The following PRMT3 variants were observed in gnomAD, a reference collection of about 807,000 sequenced individuals.
PRMT3 encodes protein arginine methyltransferase 3.
In PRMT3, 62 loss-of-function variants were observed where a neutral mutation model predicts 71.9. The ratio of observed to expected loss-of-function variants is 0.86; its 90% CI spans 0.70 to 1.07. The LOEUF is 1.07. Ranked by LOEUF, PRMT3 falls within the 50% of genes least tolerant of loss-of-function variation. The probability of loss-of-function intolerance (pLI) is 0.00; values close to 1 mark genes in which losing one functional copy is unlikely to be tolerated. For synonymous variants in PRMT3, 213 were observed against 220.4 expected (o/e 0.97, Z 0.30); for missense variants, 663 against 643.0 (o/e 1.03, Z -0.34).
chr11:20,492,696 G>C (rs1283479688), intron 13 of PRMT3, among the ~76,000 whole-genome samples: 1 of 152,116 alleles, frequency 6.6e-6, no homozygotes, highest in Non-Finnish European at 1.5e-5. Flanking sequence ...AAAGAAAATG[G>C]AATGGTATTT....
At chr11:20,504,768 C>T (rs1431593007) in intron 15 of PRMT3, among the ~76,000 whole-genome samples, 3 of 145,934 alleles carry the variant, frequency 2.1e-5, no homozygotes, top group African/African-American at 8.2e-5. Flanking sequence ...GAGACTCGGT[C>T]TGTCGCCCAG....
chr11:20,461,450 C>T (rs1029342080), intron 11 of PRMT3, among the ~76,000 whole-genome samples: 4 of 152,124 alleles, frequency 2.6e-5, no homozygotes, highest in African/African-American at 7.2e-5. Context: ...GATATGTGTC[C>T]ATAGTCTGTA....
intron 9 of PRMT3, among the ~76,000 whole-genome samples, chr11:20,414,664 G>A (rs1286530437): frequency 2.0e-5 from 3 of 152,084 alleles, no homozygotes; most frequent in African/African-American, 7.2e-5. Flanking sequence ...TCATTATTCA[G>A]ACTTTCAGAT....
chr11:20,454,876 AG>A (rs1340046629), intron 11 of PRMT3, among the ~76,000 whole-genome samples: 1 of 152,088 alleles, frequency 6.6e-6, no homozygotes, highest in Non-Finnish European at 1.5e-5. Context: ...TGAGCAGTAA[AG>A]GCTTTATAAA....
At chr11:20,406,011 C>G (rs1185547593) in intron 8 of PRMT3, 2 of 152,186 alleles carry the variant, frequency 1.3e-5, no homozygotes, top group Non-Finnish European at 2.9e-5. Context: ...TACTTTCTGT[C>G]TCTATGATTT....
intron 13 of PRMT3, among the ~76,000 whole-genome samples, chr11:20,487,069 A>AG (rs1446008558): frequency 1.3e-5 from 2 of 151,874 alleles, no homozygotes; most frequent in African/African-American, 4.8e-5. Context: ...GAAAAAAAAA[A>AG]AAGAAGAAGA....
chr11:20,452,058 G>A (rs144419029), intron 10 of PRMT3, 72 bp from the exon 11 acceptor site: 63 of 1,037,572 alleles, frequency 6.1e-5, no homozygotes, highest in Admixed American at 1.3e-4. Flanking sequence ...GAGTAGCACC[G>A]ATGTTTAAAT....
intron 15 of PRMT3, among the ~76,000 whole-genome samples, chr11:20,503,338 G>C (rs1160827893): frequency 6.6e-6 from 1 of 151,984 alleles, no homozygotes; most frequent in Non-Finnish European, 1.5e-5. Flanking sequence ...TCATTTGTCT[G>C]TGTTTATTCC....
intron 7 of PRMT3, among the ~76,000 whole-genome samples, chr11:20,399,270 A>G (rs546849697): frequency 6.6e-6 from 1 of 152,162 alleles, no homozygotes; most frequent in African/African-American, 2.4e-5. Context: ...GATAACATGT[A>G]TATATTTTGT....
intron 11 of PRMT3, among the ~76,000 whole-genome samples, chr11:20,453,598 C>T (rs762313475): frequency 1.4e-4 from 21 of 151,950 alleles, no homozygotes; most frequent in Non-Finnish European, 2.5e-4. Context: ...CAAAATGTGC[C>T]CATTTTATCA....
intron 4 of PRMT3, 87 bp downstream of exon 4, chr11:20,392,347 A>G (rs1848732850): frequency 7.4e-7 from 1 of 1,348,682 alleles, no homozygotes; most frequent in African/African-American, 1.5e-5. Flanking sequence ...TTAAAAGAAT[A>G]TGAGGAACTG....
At position 20,412,836 on chromosome 11, in the gene PRMT3, A is replaced by G. The variant is rs573948383; in HGVS notation, c.893+4804A>G. On this transcript the variant is annotated intron_variant, in intron 9 of 15. Transcript: ENST00000331079. Reference sequence around the variant, plus strand: ...ATTATAAGAGATTAAGAGGCTGGGCATGGTGGCATGTGCCTGAGGCAGGAG... The same window carrying G: ...ATTATAAGAGATTAAGAGGCTGGGCGTGGTGGCATGTGCCTGAGGCAGGAG... 3.9e-5 allele frequency among the ~76,000 whole-genome samples: 6 copies of G among 152,304 alleles called. No homozygotes were observed. The South Asian group carries it at 1.0e-3, about 26-fold the overall frequency.
intron 5 of PRMT3, chr11:20,393,822 TTGAAGAA>T (rs1445790792): frequency 6.6e-6 from 1 of 152,236 alleles, no homozygotes; most frequent in Non-Finnish European, 1.5e-5. Context: ...GCCAAACAGT[TTGAAGAA>T]TTTTGAAATC....
At chr11:20,417,476 G>A (rs1375788035) in intron 9 of PRMT3, among the ~76,000 whole-genome samples, 1 of 152,072 alleles carries the variant, frequency 6.6e-6, no homozygotes, top group African/African-American at 2.4e-5. Flanking sequence ...GAACTCACAT[G>A]TACTTTATGC....
intron 11 of PRMT3, 35 bp from the exon 12 acceptor site, chr11:20,461,945 T>G: frequency 2.0e-6 from 3 of 1,464,434 alleles, no homozygotes; most frequent in Non-Finnish European, 2.8e-6. Context: ...GAAAGGGAGA[T>G]AATGCTTAAT....
intron 10 of PRMT3, among the ~76,000 whole-genome samples, chr11:20,439,107 A>T (rs1590064684): frequency 1.3e-5 from 2 of 152,190 alleles, no homozygotes; most frequent in East Asian, 3.9e-4. Flanking sequence ...TTCAATTCCA[A>T]GATGGCAGTA....
intron 13 of PRMT3, among the ~76,000 whole-genome samples, chr11:20,483,094 C>T (rs890315685): frequency 2.6e-5 from 4 of 151,942 alleles, no homozygotes; most frequent in East Asian, 1.9e-4. Context: ...TCTGTTAAAT[C>T]GTTGTTTCAG....
rs140587665 is a variant in PRMT3 at position 20,498,550 on chromosome 11, G to A, written c.1486+4296G>A. Among the ~76,000 whole-genome samples, 1,077 of 152,170 alleles carry A rather than the reference G, an allele frequency of 7.1e-3. 16 individuals are homozygous for A. The highest frequency in any genetic ancestry group is 0.025 in the African/African-American group (1,022 of 41,514). On this transcript the variant is annotated intron_variant, in intron 15 of 15. Coordinates refer to ENST00000331079, the MANE Select transcript of PRMT3 (RefSeq NM_005788.4). The stretch of plus-strand genomic sequence containing the variant: ...TCGAGACAGGCCTGGGCAACATGGC[G>A]AAATCCCATCTCTACTCAAAATACA...
At chr11:20,443,743 G>A (rs1053289213) in intron 10 of PRMT3, among the ~76,000 whole-genome samples, 7 of 152,200 alleles carry the variant, frequency 4.6e-5, no homozygotes, top group East Asian at 1.9e-4. Flanking sequence ...CTTATTGGGC[G>A]GTTTTCTGCA....
Sources: allele counts gnomAD v4.1 joint callset (sites outside exome capture counted in the v4.1 genomes callset), GRCh38; gene constraint gnomAD v4.1.1; transcripts MANE v1.5; gene names NCBI Gene and HGNC (gene_info 2026-07-23, HGNC 2026-07-21).